TMEM68: variants seen among roughly 807,000 people sequenced by gnomAD.
TMEM68 encodes transmembrane protein 68.
Under a neutral mutation model 36.9 loss-of-function variants are expected in TMEM68, and 25 were observed. The observed-to-expected ratio is 0.68, with a 90% CI of 0.49 to 0.95. The LOEUF (loss-of-function observed/expected upper bound fraction) is 0.95. Among genes scored for constraint, TMEM68 ranks in the 40% least tolerant of loss-of-function variants. The pLI is 0.00. For synonymous variants in TMEM68, 131 were observed against 124.4 expected (o/e 1.05, Z -0.35); for missense variants, 333 against 392.0 (o/e 0.85, Z 1.27).
rs1003500735 is a variant in TMEM68, at chr8:55,739,667, A to C, written c.*465T>G. The stretch of plus-strand genomic sequence containing the variant: ...TTTAAAAAGTGAATTGTTGAGGCAC[A>C]AAAACATTACGTGACTTGCCCAAGG... On this transcript the variant is annotated 3_prime_UTR_variant, in exon 8 of 8. Transcript: ENST00000434581. 1 of 152,700 alleles carries C rather than the reference A, an allele frequency of 6.5e-6. No homozygotes were observed. The highest frequency in any genetic ancestry group is 2.4e-5 in the African/African-American group (1 of 41,470). The allele number at this position is 152,700 out of a possible 1,614,324, so 9.5% of individuals were successfully genotyped here.
At position 55,762,884 on chromosome 8, in the gene TMEM68, C is replaced by T. The variant is rs754687537; in HGVS notation, c.76G>A (p.Glu26Lys). Residue 26 changes from glutamate to lysine, a missense_variant, in exon 3 of 8, where the codon GAA becomes AAA. Coordinates refer to ENST00000434581, the MANE Select transcript of TMEM68 (RefSeq NM_001286657.2). Reference protein sequence around the residue: ...PYMICLIHILEEWFGVEQLED... With the variant: ...PYMICLIHILKEWFGVEQLED... ...AACTGCTCCACACCAAACCATTCTT[C>T]GAGTATGTGAATCAGACAAATCATA... 7 of 1,614,132 alleles carry T rather than the reference C, an allele frequency of 4.3e-6. No individual in the cohort carries two copies. Among genetic ancestry groups the T allele is most frequent in the East Asian group, 2.2e-5 (1 of 44,874 alleles).
chr8:55,764,896 A>C (rs1283997634), intron 1 of TMEM68, among the ~76,000 whole-genome samples: 1 of 152,154 alleles, frequency 6.6e-6, no homozygotes, highest in Non-Finnish European at 1.5e-5. Flanking sequence ...AACATGGTGA[A>C]ACTCCATCTC....
intron 4 of TMEM68, among the ~76,000 whole-genome samples, chr8:55,753,179 GC>G (rs1810470229): frequency 6.6e-6 from 1 of 151,986 alleles, no homozygotes; most frequent in Non-Finnish European, 1.5e-5. Context: ...AAAGGCAAAT[GC>G]TAAAAATATT....
In TMEM68 at chr8:55,738,799, C is replaced by T. The variant is rs887995962; in HGVS notation, c.*1333G>A. 2.0e-5 allele frequency: 3 copies of T among 152,396 alleles called. No individual in the cohort carries two copies. Among genetic ancestry groups the T allele is most frequent in the African/African-American group, 7.3e-5 (3 of 41,358 alleles). The allele number at this position is 152,396 out of a possible 1,614,324, so 9.4% of individuals were successfully genotyped here. On this transcript the variant is annotated 3_prime_UTR_variant, in exon 8 of 8. Coordinates refer to ENST00000434581, the MANE Select transcript of TMEM68 (RefSeq NM_001286657.2). ...TTAATTTTATGTACATTTCACATAT[C>T]ATAAATACACACAATACAAAAAGCT...
At chr8:55,771,086 G>A (rs552595775) in intron 1 of TMEM68, among the ~76,000 whole-genome samples, 16 of 151,576 alleles carry the variant, frequency 1.1e-4, no homozygotes, top group African/African-American at 3.4e-4. Context: ...CCCAGGAGGC[G>A]GAAGTTGCGG....
rs78128307 is a variant in TMEM68, at chr8:55,753,335, T to TA, written c.494-2179dup. On this transcript the variant is annotated intron_variant, in intron 4 of 7. Coordinates refer to ENST00000434581, the MANE Select transcript of TMEM68 (RefSeq NM_001286657.2). Reference sequence around the variant, plus strand: ...AAATATTAATGCTAACATTAAATCTTAAAAAAAAACCCCACAAAACTGTTT... The same window carrying TA: ...AAATATTAATGCTAACATTAAATCTTAAAAAAAAAACCCCACAAAACTGTTT... Among the ~76,000 whole-genome samples the TA allele has an allele frequency of 9.0e-4, 136 of 151,282 alleles. 1 individual carries two copies. The highest frequency in any genetic ancestry group is 1.5e-3 in the Non-Finnish European group (100 of 67,730).
Position 55,756,355 on chromosome 8 carries a change from A to G in TMEM68, c.382T>C (p.Phe128Leu). Residue 128 changes from phenylalanine to leucine, a missense_variant, in exon 4 of 8, where the codon TTT becomes CTT. Transcript: ENST00000434581. ...TCTATAGGAATAGCTCCATGATAAA[A>G]AATTATAAGTGCTGGTCCATCTTCT... is the stretch of plus-strand genomic sequence containing the variant. ...IPEDGPALII[F>L]YHGAIPIDFY... 6.2e-7 allele frequency: 1 copy of G among 1,604,354 alleles called. No individual in the cohort carries two copies. Among genetic ancestry groups the G allele is most frequent in the South Asian group, 1.1e-5 (1 of 87,936 alleles).
intron 5 of TMEM68, 27 bp downstream of exon 5, chr8:55,750,937 T>C: frequency 6.3e-7 from 1 of 1,586,112 alleles, no homozygotes; most frequent in Non-Finnish European, 8.5e-7. Flanking sequence ...TAAGCTTTAC[T>C]TCAATAATTA....
chr8:55,743,684 T>C, intron 6 of TMEM68, 64 bp from the exon 7 acceptor site: 3 of 1,418,370 alleles, frequency 2.1e-6, no homozygotes, highest in African/African-American at 2.9e-5. Flanking sequence ...ACTGTAAACT[T>C]TCAAATTAAT....
intron 3 of TMEM68, among the ~76,000 whole-genome samples, chr8:55,757,102 A>G (rs1323810465): frequency 6.6e-6 from 1 of 152,216 alleles, no homozygotes; most frequent in Non-Finnish European, 1.5e-5. Flanking sequence ...AACATTAAAA[A>G]TACTGTACAG....
intron 3 of TMEM68, chr8:55,761,575 C>T (rs1454240190): frequency 6.6e-6 from 1 of 152,194 alleles, no homozygotes; most frequent in Non-Finnish European, 1.5e-5. Context: ...GCCTCAGTTT[C>T]CTCATGAGTA....
In TMEM68 at chr8:55,743,879, T is replaced by C. The variant is rs148922831; in HGVS notation, c.749-259A>G. ...GAACTCTCTGTACTTTCTATAAACA[T>C]AAAAATGCCCCCCAAAAAAGTTTAT... On this transcript the variant is annotated intron_variant, in intron 6 of 7. Transcript: ENST00000434581. 1.9e-3 allele frequency among the ~76,000 whole-genome samples: 283 copies of C among 152,114 alleles called. 8 individuals are homozygous for C. In the East Asian group the frequency reaches 0.042, roughly 23 times the overall value.
intron 1 of TMEM68, among the ~76,000 whole-genome samples, chr8:55,767,446 G>A (rs1240705291): frequency 6.6e-6 from 1 of 152,122 alleles, no homozygotes; most frequent in Non-Finnish European, 1.5e-5. Flanking sequence ...AACATGTTAA[G>A]TTTAAGATGT....
intron 5 of TMEM68, 29 bp from the exon 6 acceptor site, chr8:55,745,150 A>C: frequency 7.1e-7 from 1 of 1,413,370 alleles, no homozygotes; most frequent in Non-Finnish European, 9.4e-7. Flanking sequence ...TGAATTAAAA[A>C]GTAAATAAAT....
At chr8:55,758,012 G>C (rs1257660782) in intron 3 of TMEM68, among the ~76,000 whole-genome samples, 3 of 152,184 alleles carry the variant, frequency 2.0e-5, no homozygotes, top group Non-Finnish European at 2.9e-5. Context: ...GCATGAACAA[G>C]GGGTGTGAGG....
intron 7 of TMEM68, 140 bp from the exon 8 acceptor site, chr8:55,740,358 T>C: frequency 1.7e-6 from 1 of 599,844 alleles, no homozygotes; most frequent in Non-Finnish European, 2.8e-6. Flanking sequence ...AGAGATGGGG[T>C]TTCACTATGT....
In TMEM68 at chr8:55,766,671, C is replaced by A. The variant is rs112386086; in HGVS notation, c.-114-2691G>T. 5.8e-3 allele frequency among the ~76,000 whole-genome samples: 886 copies of A among 151,978 alleles called. 5 individuals are homozygous for A. Among genetic ancestry groups the A allele is most frequent in the African/African-American group, 0.02 (832 of 41,438 alleles). On this transcript the variant is annotated intron_variant, in intron 1 of 7. Coordinates refer to ENST00000434581, the MANE Select transcript of TMEM68 (RefSeq NM_001286657.2). The stretch of plus-strand genomic sequence containing the variant: ...GATTACAGGCATGAGCCACCGTGCC[C>A]GGCCTCTATGCACGCTTTTATCTAA...
intron 7 of TMEM68, 101 bp downstream of exon 7, chr8:55,743,380 T>C (rs1238992708): frequency 2.2e-6 from 3 of 1,383,458 alleles, no homozygotes; most frequent in Non-Finnish European, 2.9e-6. Context: ...ACCACTGACC[T>C]AGACATGCTT....
chr8:55,756,176 G>C (rs1810601865), intron 4 of TMEM68, 68 bp downstream of exon 4: 3 of 1,420,372 alleles, frequency 2.1e-6, no homozygotes. Flanking sequence ...GCTCAGGATA[G>C]AGACGACCAC....
Sources: gnomAD v4.1 joint callset for allele counts (sites outside exome capture counted in the v4.1 genomes callset) on GRCh38, gnomAD v4.1.1 for gene constraint, MANE v1.5 for transcripts, NCBI Gene and HGNC (gene_info 2026-07-23, HGNC 2026-07-21) for gene names.